RSF1: variants seen among roughly 807,000 people sequenced by gnomAD.
RSF1 encodes the protein HBV pX-associated protein 8.
Under a neutral mutation model 145.2 loss-of-function variants are expected in RSF1, and 13 were observed. The ratio of observed to expected loss-of-function variants is 0.09; its 90% CI spans 0.06 to 0.14. RSF1 has a LOEUF of 0.14. RSF1 is among the 10% of genes least tolerant of loss of function. The probability of loss-of-function intolerance (pLI) is 1.00; values close to 1 mark genes in which losing one functional copy is unlikely to be tolerated. For missense variants in RSF1, 1,517 were observed against 1,718.2 expected, an observed-to-expected ratio of 0.88 and a Z score of 2.07; for synonymous variants, 577 against 592.6, an observed-to-expected ratio of 0.97 and a Z score of 0.38.
At chr11:77,729,714 T>G (rs867226370) in intron 4 of RSF1, among the ~76,000 whole-genome samples, 11 of 151,834 alleles carry the variant, frequency 7.2e-5, no homozygotes, top group South Asian at 4.2e-4. Flanking sequence ...TTATGTAATA[T>G]CTCCCTGTAC....
intron 4 of RSF1, among the ~76,000 whole-genome samples, chr11:77,735,241 ATAT>A (rs1376653469): frequency 6.6e-6 from 1 of 152,152 alleles, no homozygotes; most frequent in African/African-American, 2.4e-5. Context: ...CTCTATATTT[ATAT>A]TATTAATTTT....
At chr11:77,815,133 G>A (rs565693264) in intron 1 of RSF1, among the ~76,000 whole-genome samples, 1 of 152,356 alleles carries the variant, frequency 6.6e-6, no homozygotes, top group South Asian at 2.1e-4. Context: ...TCTAGTTTAG[G>A]CATCAATTTG....
intron 1 of RSF1, among the ~76,000 whole-genome samples, chr11:77,767,824 T>G (rs935685784): frequency 5.9e-5 from 9 of 152,194 alleles, no homozygotes; most frequent in Non-Finnish European, 1.2e-4. Context: ...CCACCAGTGT[T>G]CTATGCTACA....
chr11:77,832,429 C>T, the RSF1 span, among the ~76,000 whole-genome samples: 3 of 151,680 alleles, frequency 2.0e-5, no homozygotes, highest in East Asian at 2.0e-4. Context: ...CGGGTTCAAG[C>T]GATTCTTCTG....
At chr11:77,805,056 C>T (rs941301024) in intron 1 of RSF1, among the ~76,000 whole-genome samples, 10 of 152,178 alleles carry the variant, frequency 6.6e-5, no homozygotes, top group Middle Eastern at 3.4e-3. Context: ...TGGAAGTTCC[C>T]GTTTGTTTCT....
intron 9 of RSF1, among the ~76,000 whole-genome samples, chr11:77,688,309 A>C (rs1163281531): frequency 6.6e-6 from 1 of 152,150 alleles, no homozygotes; most frequent in African/African-American, 2.4e-5. Flanking sequence ...AAACAAAACA[A>C]AACAAAATTC....
chr11:77,853,719 T>C, the RSF1 span, among the ~76,000 whole-genome samples: 21 of 152,032 alleles, frequency 1.4e-4, no homozygotes, highest in Admixed American at 1.2e-3. Flanking sequence ...AGTGGATGGA[T>C]TGCTTCAGGT....
chr11:77,830,987 C>CAAAAAAAAA, the RSF1 span, among the ~76,000 whole-genome samples: 1 of 100,512 alleles, frequency 9.9e-6, no homozygotes, highest in Non-Finnish European at 2.0e-5. Context: ...CAAAATATAC[C>CAAAAAAAAA]AAAAAAAAAA....
chr11:77,720,398 C>T (rs1322794103), intron 5 of RSF1, among the ~76,000 whole-genome samples: 2 of 152,152 alleles, frequency 1.3e-5, no homozygotes, highest in Non-Finnish European at 2.9e-5. Context: ...AATTAGAATA[C>T]AGTATCCAAT....
At chr11:77,744,060 G>T (rs1947971257) in intron 3 of RSF1, among the ~76,000 whole-genome samples, 1 of 151,962 alleles carries the variant, frequency 6.6e-6, no homozygotes, top group Admixed American at 6.6e-5. Context: ...ACAGAGTCTT[G>T]CTCTGTCACC....
chr11:77,734,427 T>C (rs1460747810), intron 4 of RSF1: 2 of 1,308,296 alleles, frequency 1.5e-6, no homozygotes, highest in Non-Finnish European at 2.2e-6. Context: ...TGCACTGCCT[T>C]GGTGACCAGG....
intron 1 of RSF1, among the ~76,000 whole-genome samples, chr11:77,797,500 C>G (rs968719333): frequency 6.6e-6 from 1 of 152,104 alleles, no homozygotes; most frequent in Non-Finnish European, 1.5e-5. Flanking sequence ...AAACCTTACA[C>G]AAAAATCAAC....
At chr11:77,757,560 C>A (rs1372131460) in intron 2 of RSF1, among the ~76,000 whole-genome samples, 1 of 152,132 alleles carries the variant, frequency 6.6e-6, no homozygotes, top group African/African-American at 2.4e-5. Flanking sequence ...TGCCTGTAAT[C>A]CCAGCTACTT....
chr11:77,842,515 G>C, the RSF1 span: 50 of 1,613,786 alleles, frequency 3.1e-5, no homozygotes, highest in Non-Finnish European at 4.2e-5. Flanking sequence ...CCCTGAAATT[G>C]CTTCCTTATC....
Position 77,820,198 on chromosome 11 carries a change from T to TG in RSF1, c.187+329dup, listed in dbSNP as rs763159716. 1.8e-3 allele frequency among the ~76,000 whole-genome samples: 272 copies of TG among 151,802 alleles called. 1 individual carries two copies. Among genetic ancestry groups the TG allele is most frequent in the Admixed American group, 3.5e-3 (53 of 15,282 alleles). Reference sequence around the variant, plus strand: ...CCCCGCCGCCAAGGGGGAGACGGGGTGGGGGGCCGCCCTCCGCCGCGGAGA... The same window carrying TG: ...CCCCGCCGCCAAGGGGGAGACGGGGTGGGGGGGCCGCCCTCCGCCGCGGAGA... On this transcript the variant is annotated intron_variant, in intron 1 of 15. Transcript: ENST00000308488.
chr11:77,857,383 G>A, the RSF1 span, among the ~76,000 whole-genome samples: 13 of 152,134 alleles, frequency 8.5e-5, no homozygotes, highest in Admixed American at 5.9e-4. Context: ...AGAAGTGTAG[G>A]AGAAAATGCT....
intron 5 of RSF1, among the ~76,000 whole-genome samples, chr11:77,708,963 T>C (rs926534760): frequency 2.0e-5 from 3 of 152,224 alleles, no homozygotes; most frequent in East Asian, 1.9e-4. Context: ...AAAGGAGTCA[T>C]TGACAATCAA....
intron 2 of RSF1, among the ~76,000 whole-genome samples, chr11:77,749,711 G>C (rs567775535): frequency 3.3e-5 from 5 of 152,240 alleles, no homozygotes; most frequent in Admixed American, 3.3e-4. Flanking sequence ...ATAACATTTA[G>C]GGTACATTTG....
chr11:77,839,941 C>A, the RSF1 span, among the ~76,000 whole-genome samples: 1 of 152,000 alleles, frequency 6.6e-6, no homozygotes, highest in South Asian at 2.1e-4. Flanking sequence ...ATGTAATGAA[C>A]GTGCATGTCT....
Sources: gnomAD v4.1 joint callset for allele counts (sites outside exome capture counted in the v4.1 genomes callset) on GRCh38, gnomAD v4.1.1 for gene constraint, MANE v1.5 for transcripts, NCBI Gene and HGNC (gene_info 2026-07-23, HGNC 2026-07-21) for gene names.